GRIA1: variants seen among roughly 807,000 people sequenced by gnomAD.
GRIA1 encodes the protein glutamate receptor 1.
Under a neutral mutation model 99.2 loss-of-function variants are expected in GRIA1, and 31 were observed. The observed-to-expected ratio is 0.31, with a 90% CI of 0.23 to 0.42. The LOEUF (loss-of-function observed/expected upper bound fraction) is 0.42, where lower values mean the gene tolerates loss of function less well. Ranked by LOEUF, GRIA1 falls within the 10% of genes least tolerant of loss-of-function variation. The pLI is 1.00. For missense variants in GRIA1, 782 were observed against 1,157.5 expected (o/e 0.68, Z 4.71); for synonymous variants, 438 against 432.4 (o/e 1.01, Z -0.16).
intron 11 of GRIA1, 93 bp downstream of exon 11, chr5:153,706,160 T>C (rs1233506362): frequency 1.6e-6 from 2 of 1,222,694 alleles, no homozygotes; most frequent in Non-Finnish European, 2.4e-6. Context: ...AGTAAAGAGA[T>C]GAATTATTTC....
intron 10 of GRIA1, among the ~76,000 whole-genome samples, chr5:153,704,512 T>A (rs1026698659): frequency 6.6e-6 from 1 of 152,226 alleles, no homozygotes; most frequent in African/African-American, 2.4e-5. Context: ...TGCCTAAGGA[T>A]GAATATTTCT....
intron 2 of GRIA1, among the ~76,000 whole-genome samples, chr5:153,555,088 A>T (rs1406449967): frequency 1.3e-5 from 2 of 152,158 alleles, no homozygotes; most frequent in Non-Finnish European, 2.9e-5. Flanking sequence ...TTTTCTTAGC[A>T]TACAGCAGCC....
At position 153,811,566 on chromosome 5, in the gene GRIA1, T is replaced by C. The variant is rs764326048; in HGVS notation, c.*341T>C. The C allele has an allele frequency of 7.3e-6, 2 of 273,062 alleles. No homozygotes were observed. Among genetic ancestry groups the C allele is most frequent in the Non-Finnish European group, 1.4e-5 (2 of 139,636 alleles). 16.9% of individuals were successfully genotyped at this position (273,062 alleles called of 1,614,324 possible). ...AGGAAACTGCACTGTTTTATTTTAA[T>C]TCAGTTGTTAGTGTGTCTTAGTGTG... On this transcript the variant is annotated 3_prime_UTR_variant, in exon 16 of 16. Coordinates refer to ENST00000285900, the MANE Select transcript of GRIA1 (RefSeq NM_000827.4).
rs1006018005 is a variant in GRIA1 at position 153,757,342 on chromosome 5, C to G, written c.1824-7092C>G. On this transcript the variant is annotated intron_variant, in intron 11 of 15. Coordinates refer to ENST00000285900, the MANE Select transcript of GRIA1 (RefSeq NM_000827.4). Reference sequence around the variant, plus strand: ...AGCAAATATTTGGGTCATTGAAGTTCAAGAGGGAGAAGAAAAACACAAAAG... The same window carrying G: ...AGCAAATATTTGGGTCATTGAAGTTGAAGAGGGAGAAGAAAAACACAAAAG... Among the ~76,000 whole-genome samples, 7 of 151,930 alleles carry G rather than the reference C, an allele frequency of 4.6e-5. No homozygotes were observed. The South Asian group carries it at 1.2e-3, about 27-fold the overall frequency.
At chr5:153,647,530 C>T (rs1375665693) in intron 3 of GRIA1, among the ~76,000 whole-genome samples, 1 of 152,166 alleles carries the variant, frequency 6.6e-6, no homozygotes, top group African/African-American at 2.4e-5. Flanking sequence ...GCCTCAATTT[C>T]AGCACTTATA....
chr5:153,762,000 T>A (rs1763216694), intron 11 of GRIA1, among the ~76,000 whole-genome samples: 1 of 152,152 alleles, frequency 6.6e-6, no homozygotes, highest in Non-Finnish European at 1.5e-5. Flanking sequence ...AAACAGTGGT[T>A]CCAGAGGCTG....
At chr5:153,787,721 C>T (rs1393489556) in intron 13 of GRIA1, among the ~76,000 whole-genome samples, 1 of 152,128 alleles carries the variant, frequency 6.6e-6, no homozygotes, top group East Asian at 1.9e-4. Flanking sequence ...AATTTATAAA[C>T]TCAAGTTTAT....
intron 10 of GRIA1, among the ~76,000 whole-genome samples, chr5:153,700,106 C>T (rs537888006): frequency 7.2e-5 from 11 of 152,304 alleles, no homozygotes; most frequent in Admixed American, 3.3e-4. Context: ...ACCGAGAGGC[C>T]GGGCACAGTG....
At chr5:153,639,152 C>A (rs1753604690) in intron 2 of GRIA1, among the ~76,000 whole-genome samples, 1 of 152,220 alleles carries the variant, frequency 6.6e-6, no homozygotes, top group African/African-American at 2.4e-5. Flanking sequence ...CCTTCCCCTC[C>A]ATTGTCTCTC....
At chr5:153,561,392 C>T (rs1261135864) in intron 2 of GRIA1, among the ~76,000 whole-genome samples, 1 of 152,002 alleles carries the variant, frequency 6.6e-6, no homozygotes, top group Admixed American at 6.6e-5. Flanking sequence ...TCATGACAAG[C>T]CTGACCCAAC....
At chr5:153,536,068 G>A (rs1475862536) in intron 2 of GRIA1, among the ~76,000 whole-genome samples, 3 of 152,076 alleles carry the variant, frequency 2.0e-5, no homozygotes, top group Non-Finnish European at 4.4e-5. Flanking sequence ...TCCAGCCTCC[G>A]TAGTGTGATA....
intron 2 of GRIA1, among the ~76,000 whole-genome samples, chr5:153,524,368 A>G (rs1757422054): frequency 1.3e-5 from 2 of 152,180 alleles, no homozygotes; most frequent in African/African-American, 4.8e-5. Context: ...AAACATCTGT[A>G]TGATAACAAA....
At chr5:153,573,607 C>T (rs1164291296) in intron 2 of GRIA1, among the ~76,000 whole-genome samples, 1 of 152,120 alleles carries the variant, frequency 6.6e-6, no homozygotes, top group Non-Finnish European at 1.5e-5. Context: ...CAAGTCATCT[C>T]TCATGTCAAC....
At chr5:153,779,022 T>C (rs1464802246) in intron 13 of GRIA1, among the ~76,000 whole-genome samples, 3 of 152,194 alleles carry the variant, frequency 2.0e-5, no homozygotes, top group Non-Finnish European at 2.9e-5. Context: ...AAATTCTATA[T>C]GTTTTTTGTT....
chr5:153,511,805 A>G (rs1396426569), intron 2 of GRIA1, among the ~76,000 whole-genome samples: 1 of 152,210 alleles, frequency 6.6e-6, no homozygotes, highest in African/African-American at 2.4e-5. Flanking sequence ...AGTTTTACCC[A>G]GAACAAGGAA....
intron 11 of GRIA1, among the ~76,000 whole-genome samples, chr5:153,714,704 A>G (rs1015422226): frequency 6.6e-6 from 1 of 152,278 alleles, no homozygotes; most frequent in Admixed American, 6.5e-5. Context: ...CGAGGAAAGT[A>G]TGCTGAAACC....
At chr5:153,717,687 G>A (rs976561023) in intron 11 of GRIA1, among the ~76,000 whole-genome samples, 6 of 152,152 alleles carry the variant, frequency 3.9e-5, no homozygotes, top group Non-Finnish European at 5.9e-5. Context: ...CTGCCATCAG[G>A]AAGAGCTCTA....
chr5:153,724,930 C>A (rs1050438788), intron 11 of GRIA1, among the ~76,000 whole-genome samples: 33 of 152,070 alleles, frequency 2.2e-4, no homozygotes, highest in African/African-American at 7.5e-4. Flanking sequence ...AGAGCAACTC[C>A]AAGACACGTA....
chr5:153,686,771 A>T (rs1255257596), intron 8 of GRIA1, among the ~76,000 whole-genome samples: 2 of 152,200 alleles, frequency 1.3e-5, no homozygotes, highest in East Asian at 3.8e-4. Flanking sequence ...TAAGGGTGAA[A>T]ATATATATGT....
Sources: gnomAD v4.1 joint callset for allele counts (sites outside exome capture counted in the v4.1 genomes callset) on GRCh38, gnomAD v4.1.1 for gene constraint, MANE v1.5 for transcripts, NCBI Gene and HGNC (gene_info 2026-07-23, HGNC 2026-07-21) for gene names.